JHY: variants seen among roughly 807,000 people sequenced by gnomAD.
JHY encodes the protein junctional cadherin complex regulator.
In JHY, 69 loss-of-function variants were observed where a neutral mutation model predicts 78.0. The ratio of observed to expected loss-of-function variants is 0.88; its 90% confidence interval spans 0.73 to 1.08. The LOEUF is 1.08. Ranked by LOEUF, JHY falls within the 50% of genes least tolerant of loss-of-function variation. The pLI is 0.00. For missense variants in JHY, 944 were observed against 927.8 expected (o/e 1.02, Z -0.23); for synonymous variants, 368 against 342.6 (o/e 1.07, Z -0.82).
At chr11:122,884,992 T>G (rs1862465035) in intron 1 of JHY, among the ~76,000 whole-genome samples, 1 of 137,984 alleles carries the variant, frequency 7.2e-6, no homozygotes, top group Non-Finnish European at 1.6e-5. Flanking sequence ...TTTTTTTTTG[T>G]AGAGATGGGG....
At chr11:122,909,000 G>A (rs921620776) in intron 3 of JHY, among the ~76,000 whole-genome samples, 4 of 152,082 alleles carry the variant, frequency 2.6e-5, no homozygotes, top group Non-Finnish European at 4.4e-5. Flanking sequence ...TTAATTTCCA[G>A]AGCTTTCTTT....
intron 4 of JHY, among the ~76,000 whole-genome samples, chr11:122,927,390 A>G (rs1320659271): frequency 6.6e-6 from 1 of 152,234 alleles, no homozygotes; most frequent in East Asian, 1.9e-4. Context: ...TATTGACCTA[A>G]AATGACAATA....
At position 122,956,483 on chromosome 11, in the gene JHY, G is replaced by A; in HGVS notation, c.1930-13G>A. The A allele has an allele frequency of 6.2e-7, 1 of 1,612,506 alleles. No homozygotes were observed. On this transcript the variant is annotated splice_polypyrimidine_tract_variant and intron_variant, in intron 6 of 8. Coordinates refer to ENST00000227349, the MANE Select transcript of JHY (RefSeq NM_024806.4). ...GTCCTTAAAAGAAACTGTTTCTGTG[G>A]TTGTATTTTTAGAACACCAAGCTGA... is the stretch of plus-strand genomic sequence containing the variant.
intron 3 of JHY, chr11:122,905,972 T>A (rs1862982776): frequency 6.6e-6 from 1 of 152,158 alleles, no homozygotes; most frequent in Non-Finnish European, 1.5e-5. Flanking sequence ...AAAAGAATTA[T>A]GTCACATCTT....
chr11:122,951,852 C>T (rs1450542453), intron 6 of JHY, among the ~76,000 whole-genome samples: 1 of 152,128 alleles, frequency 6.6e-6, no homozygotes, highest in Non-Finnish European at 1.5e-5. Context: ...GTGCCAGAGT[C>T]GGTAGATGCC....
chr11:122,946,304 C>G (rs1863956498), intron 5 of JHY, among the ~76,000 whole-genome samples, 194 bp from the exon 6 acceptor site: 1 of 151,610 alleles, frequency 6.6e-6, no homozygotes, highest in Admixed American at 6.6e-5. Flanking sequence ...TGTAGACTGT[C>G]CTAAAGGAAA....
At position 122,959,499 on chromosome 11, in the gene JHY, A is replaced by C. The variant is rs932849083; in HGVS notation, c.*54A>C. ...ATGGTCCAGGAATGAACGTGGAGAA[A>C]AGAAACGCCAACCACCTTCTCTGCG... On this transcript the variant is annotated 3_prime_UTR_variant, in exon 9 of 9. Coordinates refer to ENST00000227349, the MANE Select transcript of JHY (RefSeq NM_024806.4). The C allele has an allele frequency of 1.3e-6, 2 of 1,515,592 alleles. No homozygotes were observed. The highest frequency in any genetic ancestry group is 2.8e-5 in the African/African-American group (2 of 71,994). The allele number at this position is 1,515,592 out of a possible 1,614,324, so 93.9% of individuals were successfully genotyped here.
intron 3 of JHY, among the ~76,000 whole-genome samples, chr11:122,919,245 C>T (rs964249343): frequency 1.0e-4 from 15 of 148,836 alleles, no homozygotes; most frequent in Admixed American, 2.1e-4. Flanking sequence ...CCCAGCTACT[C>T]GGGGTACTGA....
chr11:122,902,861 G>C (rs1445173044), intron 2 of JHY, among the ~76,000 whole-genome samples: 1 of 151,982 alleles, frequency 6.6e-6, no homozygotes, highest in Non-Finnish European at 1.5e-5. Flanking sequence ...CCAACATTGG[G>C]GATTACAGTT....
chr11:122,953,871 G>A (rs1864142658), intron 6 of JHY, among the ~76,000 whole-genome samples: 2 of 152,136 alleles, frequency 1.3e-5, no homozygotes, highest in Non-Finnish European at 1.5e-5. Context: ...TTTAGAATTA[G>A]AATTAGAGTA....
intron 3 of JHY, among the ~76,000 whole-genome samples, chr11:122,910,113 C>T (rs1863081501): frequency 6.6e-6 from 1 of 151,990 alleles, no homozygotes; most frequent in Admixed American, 6.6e-5. Flanking sequence ...AGGACACTTT[C>T]CATGAACTAT....
At position 122,959,612 on chromosome 11, in the gene JHY, G is replaced by A. The variant is rs1864269466; in HGVS notation, c.*167G>A. 1.6e-6 allele frequency: 1 copy of A among 629,552 alleles called. No homozygotes were observed. Among genetic ancestry groups the A allele is most frequent in the Admixed American group, 3.4e-5 (1 of 29,584 alleles). The allele number at this position is 629,552 out of a possible 1,614,324, so 39.0% of individuals were successfully genotyped here. The stretch of plus-strand genomic sequence containing the variant: ...AAAATATGAGGCCCAATTGGATTAT[G>A]GTGCCATATTTTACTTTCTAGGAAG... On this transcript the variant is annotated 3_prime_UTR_variant, in exon 9 of 9. Transcript: ENST00000227349.
chr11:122,956,681 C>T (rs1864198974), intron 7 of JHY, 105 bp downstream of exon 7: 1 of 879,114 alleles, frequency 1.1e-6, no homozygotes. Context: ...ATTCAAATGT[C>T]TCACTCTGAA....
rs1337040950 is a variant in JHY, at chr11:122,883,260, A to G, written c.-90+288A>G. On this transcript the variant is annotated intron_variant, in intron 1 of 8. Coordinates refer to ENST00000227349, the MANE Select transcript of JHY (RefSeq NM_024806.4). The surrounding 1 kb of genome is among the most constrained non-coding windows in gnomAD (Gnocchi z 4.4). ...GGCCCGCCGACTTGTCACTTCCTGG[A>G]CCTCCAAACGCCCCTTGTGACAGGC... 6.6e-6 allele frequency among the ~76,000 whole-genome samples: 1 copy of G among 152,086 alleles called. No individual in the cohort carries two copies. The highest frequency in any genetic ancestry group is 1.5e-5 in the Non-Finnish European group (1 of 68,008).
At chr11:122,918,971 A>G (rs1863294307) in intron 3 of JHY, among the ~76,000 whole-genome samples, 1 of 152,104 alleles carries the variant, frequency 6.6e-6, no homozygotes, top group African/African-American at 2.4e-5. Context: ...AGATGCAGCT[A>G]TTGTAGCTGC....
At chr11:122,900,393 G>A (rs183717553) in intron 2 of JHY, among the ~76,000 whole-genome samples, 8 of 152,030 alleles carry the variant, frequency 5.3e-5, no homozygotes, top group Middle Eastern at 3.4e-3. Context: ...TAAAAAGCCC[G>A]GGTGATTTAC....
In JHY at chr11:122,963,435, A is replaced by G. The variant is rs1864352085; in HGVS notation, c.*3990A>G. Among the ~76,000 whole-genome samples the G allele has an allele frequency of 6.6e-6, 1 of 152,218 alleles. No individual in the cohort carries two copies. The highest frequency in any genetic ancestry group is 2.4e-5 in the African/African-American group (1 of 41,466). On this transcript the variant is annotated 3_prime_UTR_variant, in exon 9 of 9. Transcript: ENST00000227349. ...TGGCTAGGAAATAAAACATATTTGCAGAAAGTTTGGGGTTGAAATCAAAGA... is the reference window on the plus strand; with the variant it reads ...TGGCTAGGAAATAAAACATATTTGCGGAAAGTTTGGGGTTGAAATCAAAGA...
In JHY at chr11:122,963,774, A is replaced by G. The variant is rs1001789440; in HGVS notation, c.*4329A>G. Among the ~76,000 whole-genome samples, 13 of 152,180 alleles carry G rather than the reference A, an allele frequency of 8.5e-5. No individual in the cohort carries two copies. Among genetic ancestry groups the G allele is most frequent in the Non-Finnish European group, 5.9e-5 (4 of 68,002 alleles). ...TGTAATGATGGAGCACCTGTATTTGACTAGATGTTATATACATGCCATTGA... is the reference window on the plus strand; with the variant it reads ...TGTAATGATGGAGCACCTGTATTTGGCTAGATGTTATATACATGCCATTGA... On this transcript the variant is annotated 3_prime_UTR_variant, in exon 9 of 9. Transcript: ENST00000227349.
intron 8 of JHY, chr11:122,958,646 T>C: frequency 1.2e-6 from 1 of 829,334 alleles, no homozygotes; most frequent in Non-Finnish European, 1.5e-6. Context: ...TAAAGGCAGG[T>C]TTAGGAATCA....
Sources: allele counts gnomAD v4.1 joint callset (sites outside exome capture counted in the v4.1 genomes callset), GRCh38; gene constraint gnomAD v4.1.1; non-coding constraint Gnocchi (gnomAD v3.1); transcripts MANE v1.5; gene names NCBI Gene and HGNC (gene_info 2026-07-23, HGNC 2026-07-21).